Variants in TRDMT1 observed in about 807,000 individuals in gnomAD.
TRDMT1 encodes the protein tRNA (cytosine(38)-C(5))-methyltransferase.
Under a neutral mutation model 51.2 loss-of-function variants are expected in TRDMT1, and 49 were observed. That is an observed-to-expected ratio of 0.96 (90% CI 0.76 to 1.21). The LOEUF is 1.21. TRDMT1 is among the 50% of genes most tolerant of loss of function. The probability of loss-of-function intolerance (pLI) is 0.00; values close to 1 mark genes in which losing one functional copy is unlikely to be tolerated. For missense variants in TRDMT1, 534 were observed against 462.3 expected (o/e 1.16, Z -1.42); for synonymous variants, 187 against 164.6 (o/e 1.14, Z -1.04).
At position 17,144,420 on chromosome 10, in the gene TRDMT1, C is replaced by T. The variant is rs991319940; in HGVS notation, c.*4620G>A. 38 of 985,356 alleles carry T rather than the reference C, an allele frequency of 3.9e-5. No individual in the cohort carries two copies. The highest frequency in any genetic ancestry group is 5.2e-4 in the Middle Eastern group (1 of 1,936). 61.0% of individuals were successfully genotyped at this position (985,356 alleles called of 1,614,324 possible). On this transcript the variant is annotated 3_prime_UTR_variant, in exon 11 of 11. Transcript: ENST00000377799. ...AAGAGTTCTATGGGAGAACTCAGTTCCTATCTTGTAATTTTTGTGAAAATT... is the reference window on the plus strand; with the variant it reads ...AAGAGTTCTATGGGAGAACTCAGTTTCTATCTTGTAATTTTTGTGAAAATT...
chr10:17,162,050 A>G, intron 4 of TRDMT1, 116 bp downstream of exon 4: 2 of 851,494 alleles, frequency 2.3e-6, no homozygotes, highest in Non-Finnish European at 3.8e-6. Context: ...GACAGGCCCA[A>G]TATCTCAAGG....
chr10:17,153,664 A>C, intron 9 of TRDMT1, 28 bp from the exon 10 acceptor site: 2 of 1,541,376 alleles, frequency 1.3e-6, no homozygotes, highest in Non-Finnish European at 1.7e-6. Context: ...AGATAACTAA[A>C]AAAGTAATGT....
chr10:17,174,366 C>G (rs916278350), intron 2 of TRDMT1, among the ~76,000 whole-genome samples, 185 bp downstream of exon 2: 8 of 152,164 alleles, frequency 5.3e-5, no homozygotes, highest in African/African-American at 1.9e-4. Flanking sequence ...CTGTCTATAG[C>G]TGGACTTTTT....
chr10:17,162,024 G>T, intron 4 of TRDMT1, 142 bp downstream of exon 4: 1 of 741,768 alleles, frequency 1.3e-6, no homozygotes, highest in Non-Finnish European at 2.3e-6. Flanking sequence ...ATTAGTCATG[G>T]TAGGAGAAGA....
intron 1 of TRDMT1, among the ~76,000 whole-genome samples, chr10:17,194,949 C>CAAAAAAAAAAAAAAAAAAAAAAA (rs1157484978): frequency 3.5e-5 from 3 of 85,286 alleles, no homozygotes; most frequent in Non-Finnish European, 5.3e-5. Context: ...AAAAAAAAGT[C>CAAAAAAAAAAAAAAAAAAAAAAA]AAAAAAAAAA....
rs1375883568 is a variant in TRDMT1 at position 17,142,436 on chromosome 10, C to A, written c.*6604G>T. ...TCCCGAATGGTCCTTCATGATGCTA[C>A]TTTAGGGAAAGAAGGATTTTCTCCC... On this transcript the variant is annotated 3_prime_UTR_variant, in exon 11 of 11. Transcript: ENST00000377799. The A allele has an allele frequency of 6.6e-6, 1 of 152,124 alleles. No individual in the cohort carries two copies. The highest frequency in any genetic ancestry group is 1.5e-5 in the Non-Finnish European group (1 of 68,050). The allele number at this position is 152,124 out of a possible 1,614,324, so 9.4% of individuals were successfully genotyped here.
In TRDMT1 at chr10:17,141,674, C is replaced by T. The variant is rs1192136558; in HGVS notation, c.*7366G>A. On this transcript the variant is annotated 3_prime_UTR_variant, in exon 11 of 11. Coordinates refer to ENST00000377799, the MANE Select transcript of TRDMT1 (RefSeq NM_004412.7). The stretch of plus-strand genomic sequence containing the variant: ...TTAGATCAGGTAAATTCTACTGATC[C>T]GTCCTTAGGTTCACTGATTTCTATC... Among the ~76,000 whole-genome samples the T allele has an allele frequency of 3.3e-5, 5 of 152,106 alleles. No individual in the cohort carries two copies. Among genetic ancestry groups the T allele is most frequent in the Non-Finnish European group, 7.4e-5 (5 of 68,026 alleles).
chr10:17,166,174 T>G lies in TRDMT1; in HGVS notation c.251+2667A>C, dbSNP rs1028959657. On this transcript the variant is annotated intron_variant, in intron 3 of 10. Transcript: ENST00000377799. ...AAGAAAATGTGGCACATATACACCA[T>G]GGAATACTATGCAGCCATAAAAAGG... Among the ~76,000 whole-genome samples the G allele has an allele frequency of 3.3e-5, 5 of 152,068 alleles. No homozygotes were observed. In the South Asian group the frequency reaches 6.2e-4, roughly 19 times the overall value.
In TRDMT1 at chr10:17,152,054, A is replaced by C. The variant is rs376539810; in HGVS notation, c.1075+1453T>G. On this transcript the variant is annotated intron_variant, in intron 10 of 10. Coordinates refer to ENST00000377799, the MANE Select transcript of TRDMT1 (RefSeq NM_004412.7). ...AAGCTGAGGAATTCATTTTAATTGA[A>C]TAGTTAATCTCTTTTCTGTCTTCAA... The C allele has an allele frequency of 1.1e-5, 14 of 1,301,728 alleles. No homozygotes were observed. In the East Asian group the frequency reaches 3.9e-4, roughly 36 times the overall value. The allele number at this position is 1,301,728 out of a possible 1,614,324, so 80.6% of individuals were successfully genotyped here. A position where few individuals can be genotyped will look rare whatever the true frequency, so the allele number is the denominator to read the frequency against.
At chr10:17,151,344 C>G (rs931033433) in intron 10 of TRDMT1, 1 of 985,186 alleles carries the variant, frequency 1.0e-6, no homozygotes, top group Non-Finnish European at 1.2e-6. Flanking sequence ...AGCTTTCACC[C>G]GTAAGGACAG....
rs150768937 is a variant in TRDMT1 at position 17,151,007 on chromosome 10, A to ATG, written c.1076-1869_1076-1868dup. 503 of 978,672 alleles carry ATG rather than the reference A, an allele frequency of 5.1e-4. 2 individuals carry two copies. The highest frequency in any genetic ancestry group is 2.6e-3 in the Middle Eastern group (5 of 1,898). The allele number at this position is 978,672 out of a possible 1,614,324, so 60.6% of individuals were successfully genotyped here. ...ACAAATTATATCTATGTGTGTGTGC[A>ATG]TGTGTGTGTGTGTGCGTGCATCTGT... On this transcript the variant is annotated intron_variant, in intron 10 of 10. Transcript: ENST00000377799.
rs1846130962 is a variant in TRDMT1, at chr10:17,201,338, C to G, written c.64+233G>C. On this transcript the variant is annotated intron_variant, in intron 1 of 10. Coordinates refer to ENST00000377799, the MANE Select transcript of TRDMT1 (RefSeq NM_004412.7). ...CGACTCCCAACTGGGCCCTTTGAGG[C>G]GCCATGTGCGGCCCCTCGAGCCAGA... 9.9e-6 allele frequency: 5 copies of G among 504,820 alleles called. No individual in the cohort carries two copies. The South Asian group carries it at 1.4e-4, about 14-fold the overall frequency. 31.3% of individuals were successfully genotyped at this position (504,820 alleles called of 1,614,324 possible).
At chr10:17,157,381 C>G (rs1839669252) in intron 8 of TRDMT1, 60 bp downstream of exon 8, 1 of 1,416,092 alleles carries the variant, frequency 7.1e-7, no homozygotes, top group African/African-American at 1.4e-5. Flanking sequence ...CTTAAAGAAA[C>G]AATAGCTTTA....
At chr10:17,170,593 A>T (rs1053362886) in intron 2 of TRDMT1, among the ~76,000 whole-genome samples, 4 of 152,198 alleles carry the variant, frequency 2.6e-5, no homozygotes, top group Non-Finnish European at 4.4e-5. Context: ...CTTTAGGAAG[A>T]ACTTGGTAGA....
Position 17,145,204 on chromosome 10 carries a change from G to A in TRDMT1, c.*3836C>T, listed in dbSNP as rs1261644210. The A allele has an allele frequency of 1.1e-5, 9 of 827,696 alleles. No individual in the cohort carries two copies. Among genetic ancestry groups the A allele is most frequent in the African/African-American group, 3.7e-5 (2 of 53,998 alleles). 51.3% of individuals were successfully genotyped at this position (827,696 alleles called of 1,614,324 possible). The stretch of plus-strand genomic sequence containing the variant: ...GGAGATTGCAGTGAGCCGAGATCAC[G>A]CCACTGCACTCCAGCCTAGGCAACA... On this transcript the variant is annotated 3_prime_UTR_variant, in exon 11 of 11. Transcript: ENST00000377799.
At chr10:17,161,853 T>A (rs966003013) in intron 4 of TRDMT1, among the ~76,000 whole-genome samples, 1 of 152,202 alleles carries the variant, frequency 6.6e-6, no homozygotes, top group Non-Finnish European at 1.5e-5. Context: ...CTTTAAGGGT[T>A]TGCACATATT....
chr10:17,201,460 C>T, intron 1 of TRDMT1, 111 bp downstream of exon 1: 3 of 1,199,370 alleles, frequency 2.5e-6, no homozygotes, highest in Non-Finnish European at 3.5e-6. Context: ...CCACAGTGTC[C>T]GCCCCACAGT....
At position 17,146,484 on chromosome 10, in the gene TRDMT1, A is replaced by G. The variant is rs566683774; in HGVS notation, c.*2556T>C. On this transcript the variant is annotated 3_prime_UTR_variant, in exon 11 of 11. Transcript: ENST00000377799. ...CGAAATCATTTTCCAACTATGACTC[A>G]TTTTGTTTACATTAATTGATTTGGT... 235 of 985,368 alleles carry G rather than the reference A, an allele frequency of 2.4e-4. No homozygotes were observed. The African/African-American group carries it at 3.7e-3, about 15-fold the overall frequency. 61.0% of individuals were successfully genotyped at this position (985,368 alleles called of 1,614,324 possible).
Position 17,144,476 on chromosome 10 carries a change from T to A in TRDMT1, c.*4564A>T. 1 of 985,666 alleles carries A rather than the reference T, an allele frequency of 1.0e-6. No homozygotes were observed. Among genetic ancestry groups the A allele is most frequent in the Non-Finnish European group, 1.2e-6 (1 of 829,918 alleles). The allele number at this position is 985,666 out of a possible 1,614,324, so 61.1% of individuals were successfully genotyped here. On this transcript the variant is annotated 3_prime_UTR_variant, in exon 11 of 11. Transcript: ENST00000377799. ...TCTCATATTTATAGGAAAAATGAGA[T>A]TTTGGAAGCTTTAGGAGTCAAGTGT...
Sources: allele counts gnomAD v4.1 joint callset (sites outside exome capture counted in the v4.1 genomes callset), GRCh38; gene constraint gnomAD v4.1.1; transcripts MANE v1.5; gene names NCBI Gene and HGNC (gene_info 2026-07-23, HGNC 2026-07-21).